Variants in DENND4A observed in about 807,000 individuals in gnomAD.
The protein encoded by DENND4A is C-myc promoter-binding protein.
Under a neutral mutation model 199.3 loss-of-function variants are expected in DENND4A, and 70 were observed. The ratio of observed to expected loss-of-function variants is 0.35; its 90% CI spans 0.29 to 0.43. The LOEUF (loss-of-function observed/expected upper bound fraction) is 0.43. Ranked by LOEUF, DENND4A falls within the 20% of genes least tolerant of loss-of-function variation. The probability of loss-of-function intolerance (pLI) is 1.00; values close to 1 mark genes in which losing one functional copy is unlikely to be tolerated. For synonymous variants in DENND4A, 686 were observed against 766.9 expected, an observed-to-expected ratio of 0.89 and a Z score of 1.74; for missense variants, 1,723 against 2,255.8, an observed-to-expected ratio of 0.76 and a Z score of 4.78.
chr15:65,719,595 G>A (rs2075541700), intron 12 of DENND4A, among the ~76,000 whole-genome samples: 1 of 152,128 alleles, frequency 6.6e-6, no homozygotes, highest in African/African-American at 2.4e-5. Flanking sequence ...TCCTGTCAAA[G>A]ATGTGTGACC....
intron 14 of DENND4A, among the ~76,000 whole-genome samples, chr15:65,714,500 A>ATCTTCACCACCACCCC (rs1567036379): frequency 1.3e-5 from 2 of 151,792 alleles, no homozygotes; most frequent in Non-Finnish European, 2.9e-5. Context: ...ACATTCTCCC[A>ATCTTCACCACCACCCC]TCTTCACCAC....
At chr15:65,721,963 C>A (rs1447877703) in intron 12 of DENND4A, among the ~76,000 whole-genome samples, 1 of 152,142 alleles carries the variant, frequency 6.6e-6, no homozygotes, top group Non-Finnish European at 1.5e-5. Context: ...TATTCCATAT[C>A]CTAATCAATT....
At chr15:65,740,649 G>T (rs2076236067) in intron 5 of DENND4A, among the ~76,000 whole-genome samples, 1 of 151,238 alleles carries the variant, frequency 6.6e-6, no homozygotes. Flanking sequence ...AAAAAAAAAG[G>T]TGATAAATTG....
intron 23 of DENND4A, 148 bp downstream of exon 23, chr15:65,690,267 C>T: frequency 1.3e-6 from 1 of 759,966 alleles, no homozygotes; most frequent in South Asian, 4.0e-5. Context: ...ATTTCAGTTC[C>T]AATTCTGATA....
At chr15:65,665,309 A>G (rs2075998178) in intron 30 of DENND4A, 36 bp downstream of exon 30, 1 of 1,537,202 alleles carries the variant, frequency 6.5e-7, no homozygotes, top group Admixed American at 1.7e-5. Context: ...GATTACTCTC[A>G]TATGAACAAA....
At chr15:65,685,689 G>C (rs1169950011) in intron 23 of DENND4A, among the ~76,000 whole-genome samples, 1 of 152,038 alleles carries the variant, frequency 6.6e-6, no homozygotes, top group East Asian at 1.9e-4. Flanking sequence ...ATCTGTGGTT[G>C]GTTGAATCCA....
rs575337843 is a variant in DENND4A, at chr15:65,727,447, C to T, written c.1487+1625G>A. Among the ~76,000 whole-genome samples the T allele has an allele frequency of 1.7e-3, 214 of 124,782 alleles. 1 individual carries two copies. The highest frequency in any genetic ancestry group is 6.1e-3 in the African/African-American group (194 of 31,930). 81.9% of individuals were successfully genotyped at this position (124,782 alleles called of 152,430 possible). ...CAGCCTGGGTGACAAAGCGAGACTCCGTCTCAAAAAAAAAAAAAAAAAAAA... is the reference window on the plus strand; with the variant it reads ...CAGCCTGGGTGACAAAGCGAGACTCTGTCTCAAAAAAAAAAAAAAAAAAAA... On this transcript the variant is annotated intron_variant, in intron 11 of 32. Coordinates refer to ENST00000443035, the MANE Select transcript of DENND4A (RefSeq NM_001320835.1).
intron 13 of DENND4A, among the ~76,000 whole-genome samples, chr15:65,717,178 T>C (rs1196555116): frequency 2.0e-5 from 3 of 152,164 alleles, no homozygotes; most frequent in Non-Finnish European, 4.4e-5. Context: ...ATGTCTCTTT[T>C]GCATACCACT....
Position 65,676,654 on chromosome 15 carries a change from C to T in DENND4A, c.4180-20G>A, listed in dbSNP as rs145565661. 1,226 of 1,580,604 alleles carry T rather than the reference C, an allele frequency of 7.8e-4. 9 individuals are homozygous for T. In the African/African-American group the frequency reaches 0.015, roughly 20 times the overall value. ...TTGATCCTAAGGACATAATTATAAG[C>T]TTAATTTCTTGTACATTTAAAGGTA... On this transcript the variant is annotated intron_variant, in intron 23 of 32. Coordinates refer to ENST00000443035, the MANE Select transcript of DENND4A (RefSeq NM_001320835.1).
intron 1 of DENND4A, chr15:65,771,525 A>C: frequency 6.2e-7 from 1 of 1,611,776 alleles, no homozygotes; most frequent in Non-Finnish European, 8.5e-7. Context: ...CTTAATAATG[A>C]CACGAGGATC....
chr15:65,779,026 G>A (rs2077363002), intron 1 of DENND4A, among the ~76,000 whole-genome samples: 1 of 152,064 alleles, frequency 6.6e-6, no homozygotes, highest in South Asian at 2.1e-4. Flanking sequence ...CCACTCAGAA[G>A]GCAGAGACAG....
At chr15:65,755,285 T>C (rs2076671312) in intron 3 of DENND4A, among the ~76,000 whole-genome samples, 2 of 152,224 alleles carry the variant, frequency 1.3e-5, no homozygotes, top group South Asian at 4.1e-4. Context: ...TTTGGCATGA[T>C]AAAAATGTCA....
At chr15:65,674,318 G>C (rs1018139195) in intron 24 of DENND4A, among the ~76,000 whole-genome samples, 1 of 152,162 alleles carries the variant, frequency 6.6e-6, no homozygotes, top group African/African-American at 2.4e-5. Context: ...AAATAGCCGA[G>C]TTAATCTATG....
chr15:65,709,779 G>T lies in DENND4A; in HGVS notation c.1954-3555C>A, dbSNP rs575665252. 1.7e-3 allele frequency among the ~76,000 whole-genome samples: 228 copies of T among 133,278 alleles called. 1 individual carries two copies. Among genetic ancestry groups the T allele is most frequent in the Non-Finnish European group, 1.1e-3 (71 of 64,256 alleles). 87.4% of individuals were successfully genotyped at this position (133,278 alleles called of 152,430 possible). On this transcript the variant is annotated intron_variant, in intron 14 of 32. Coordinates refer to ENST00000443035, the MANE Select transcript of DENND4A (RefSeq NM_001320835.1). ...CTTTATTTTCTCTAATAAGTCTCTT[G>T]AATTATAACAAAGCAAATACAAGTA...
Position 65,752,522 on chromosome 15 carries a change from T to C in DENND4A, c.418A>G (p.Ile140Val). Residue 140 changes from isoleucine (I) to valine (V), a missense_variant, in exon 4 of 33, where the codon ATT (isoleucine) becomes GTT (valine). Coordinates refer to ENST00000443035, the MANE Select transcript of DENND4A (RefSeq NM_001320835.1). ...GAGGCTCTTCGGTAAGTGATATAAA[T>C]TCTTTGTGATGAGGTACTCCCACTA... Reference protein sequence around the residue: ...NISGSTSSQRIYITYRRASEN... With the variant: ...NISGSTSSQRVYITYRRASEN... 6.2e-7 allele frequency: 1 copy of C among 1,613,680 alleles called. No homozygotes were observed. Among genetic ancestry groups the C allele is most frequent in the Non-Finnish European group, 8.5e-7 (1 of 1,179,798 alleles).
chr15:65,712,211 T>G (rs1258477889), intron 14 of DENND4A, among the ~76,000 whole-genome samples: 1 of 152,206 alleles, frequency 6.6e-6, no homozygotes, highest in African/African-American at 2.4e-5. Context: ...CAATCATCCC[T>G]CAAGTGTTCT....
At chr15:65,746,872 G>C (rs942918552) in intron 4 of DENND4A, among the ~76,000 whole-genome samples, 2 of 150,584 alleles carry the variant, frequency 1.3e-5, no homozygotes, top group Non-Finnish European at 3.0e-5. Flanking sequence ...CAGAAGACCA[G>C]CCTGGCCAAT....
chr15:65,767,337 T>C (rs2077013915), intron 1 of DENND4A: 1 of 152,234 alleles, frequency 6.6e-6, no homozygotes, highest in Non-Finnish European at 1.5e-5. Flanking sequence ...TCCACAAGAT[T>C]GTAAGTTCCA....
intron 14 of DENND4A, among the ~76,000 whole-genome samples, chr15:65,713,352 T>C (rs2075302080): frequency 6.6e-6 from 1 of 152,260 alleles, no homozygotes; most frequent in Non-Finnish European, 1.5e-5. Flanking sequence ...TCATACATTT[T>C]TGCAGGAATA....
Sources: gnomAD v4.1 joint callset for allele counts (sites outside exome capture counted in the v4.1 genomes callset) on GRCh38, gnomAD v4.1.1 for gene constraint, MANE v1.5 for transcripts, NCBI Gene and HGNC (gene_info 2026-07-23, HGNC 2026-07-21) for gene names.